Variants in DCLK1 observed in about 807,000 individuals in gnomAD.
DCLK1 encodes serine/threonine-protein kinase DCLK1.
In DCLK1, 16 loss-of-function variants were observed where a neutral mutation model predicts 86.2. The observed-to-expected ratio is 0.19, with a 90% confidence interval of 0.13 to 0.28. DCLK1 has a LOEUF of 0.28. Among genes scored for constraint, DCLK1 ranks in the 10% least tolerant of loss-of-function variants. The pLI is 1.00. For missense variants in DCLK1, 590 were observed against 940.2 expected, an observed-to-expected ratio of 0.63 and a Z score of 4.87; for synonymous variants, 369 against 370.5, an observed-to-expected ratio of 1.00 and a Z score of 0.05.
At chr13:35,800,326 T>G (rs2086893744) in intron 15 of DCLK1, among the ~76,000 whole-genome samples, 1 of 152,198 alleles carries the variant, frequency 6.6e-6, no homozygotes, top group Non-Finnish European at 1.5e-5. Flanking sequence ...AATCCTATTT[T>G]CTCCATTTCA....
At chr13:35,855,980 G>T in intron 5 of DCLK1, 1 of 475,812 alleles carries the variant, frequency 2.1e-6, no homozygotes, top group Non-Finnish European at 2.8e-6. Flanking sequence ...GGCAAGGTAG[G>T]ATGTTTATTG....
intron 14 of DCLK1, among the ~76,000 whole-genome samples, chr13:35,807,034 A>T (rs1216109888): frequency 1.3e-5 from 2 of 152,202 alleles, no homozygotes; most frequent in Non-Finnish European, 1.5e-5. Flanking sequence ...ATCAAAAGAT[A>T]ATTATTTCTC....
intron 3 of DCLK1, among the ~76,000 whole-genome samples, chr13:35,973,828 G>A (rs1303484993): frequency 6.6e-6 from 1 of 152,176 alleles, no homozygotes; most frequent in Admixed American, 6.5e-5. Flanking sequence ...GGGAGCAGGG[G>A]CTGGCTCATG....
At position 35,836,016 on chromosome 13, in the gene DCLK1, A is replaced by G; in HGVS notation, c.1229+17T>C. 6.5e-7 allele frequency: 1 copy of G among 1,548,238 alleles called. No individual in the cohort carries two copies. ...AATGTAACCTTTAAGGTTTGATGCA[A>G]ATGATATCCTTCTCACCTTTCTACA... On this transcript the variant is annotated intron_variant, in intron 8 of 16. Coordinates refer to ENST00000360631, the MANE Select transcript of DCLK1 (RefSeq NM_001330071.2).
At chr13:35,816,298 G>A (rs890405646) in intron 11 of DCLK1, among the ~76,000 whole-genome samples, 1 of 152,130 alleles carries the variant, frequency 6.6e-6, no homozygotes, top group African/African-American at 2.4e-5. Flanking sequence ...AATAAACACT[G>A]TTCATATTTT....
At chr13:35,926,673 C>T (rs926623285) in intron 4 of DCLK1, among the ~76,000 whole-genome samples, 1 of 152,180 alleles carries the variant, frequency 6.6e-6, no homozygotes, top group Non-Finnish European at 1.5e-5. Context: ...AATAATATCA[C>T]CAAGTAGTAA....
chr13:35,853,844 G>A (rs2153110512), intron 6 of DCLK1, among the ~76,000 whole-genome samples: 1 of 152,166 alleles, frequency 6.6e-6, no homozygotes, highest in East Asian at 1.9e-4. Context: ...TACTGGAAAA[G>A]ACAAACAGTA....
At chr13:35,786,480 C>T (rs2086623463) in intron 16 of DCLK1, among the ~76,000 whole-genome samples, 1 of 152,164 alleles carries the variant, frequency 6.6e-6, no homozygotes, top group Admixed American at 6.5e-5. Context: ...TGTGGCTGGA[C>T]TCTAGGGTCA....
intron 3 of DCLK1, among the ~76,000 whole-genome samples, chr13:36,101,981 G>T (rs1566012524): frequency 6.6e-6 from 1 of 152,114 alleles, no homozygotes; most frequent in Non-Finnish European, 1.5e-5. Context: ...GATCTCAAGT[G>T]ATCTGCCTGC....
chr13:35,812,174 C>T (rs559376949), intron 11 of DCLK1, among the ~76,000 whole-genome samples: 88 of 152,202 alleles, frequency 5.8e-4, no homozygotes, highest in African/African-American at 1.9e-3. Flanking sequence ...AATGGAGCTG[C>T]TCTAAAAAGT....
At chr13:36,038,511 C>T (rs1882588265) in intron 3 of DCLK1, among the ~76,000 whole-genome samples, 1 of 152,204 alleles carries the variant, frequency 6.6e-6, no homozygotes, top group Non-Finnish European at 1.5e-5. Flanking sequence ...CAATGATATT[C>T]TTTGGCACAT....
intron 3 of DCLK1, among the ~76,000 whole-genome samples, chr13:36,086,739 TGTTA>T (rs1365909905): frequency 1.3e-5 from 2 of 152,148 alleles, no homozygotes; most frequent in East Asian, 3.9e-4. Flanking sequence ...TCTGCTCTTG[TGTTA>T]GTTTGCTGAG....
intron 15 of DCLK1, among the ~76,000 whole-genome samples, chr13:35,796,439 G>A (rs978930867): frequency 6.6e-6 from 1 of 152,142 alleles, no homozygotes; most frequent in Non-Finnish European, 1.5e-5. Flanking sequence ...TTGCCTTGGG[G>A]AGGTATAGGT....
At chr13:35,919,778 C>G (rs1440228382) in intron 4 of DCLK1, among the ~76,000 whole-genome samples, 1 of 151,406 alleles carries the variant, frequency 6.6e-6, no homozygotes, top group Non-Finnish European at 1.5e-5. Flanking sequence ...CTGGGCAACA[C>G]AGTGAGACCC....
At position 35,787,996 on chromosome 13, in the gene DCLK1, T is replaced by C; in HGVS notation, c.2058+5370A>G. ...GAAAATTGATACTGAGCATGTGCAATGGAAAGAAAGCTGGCAAATGTCAGT... is the reference window on the plus strand; with the variant it reads ...GAAAATTGATACTGAGCATGTGCAACGGAAAGAAAGCTGGCAAATGTCAGT... On this transcript the variant is annotated intron_variant, in intron 16 of 16. Transcript: ENST00000360631. 3 of 557,160 alleles carry C rather than the reference T, an allele frequency of 5.4e-6. No individual in the cohort carries two copies. The Admixed American group carries it at 9.3e-5, about 17-fold the overall frequency. 34.5% of individuals were successfully genotyped at this position (557,160 alleles called of 1,614,324 possible). A position where few individuals can be genotyped will look rare whatever the true frequency, so the allele number is the denominator to read the frequency against.
At chr13:35,805,085 G>A (rs1232640836) in intron 15 of DCLK1, among the ~76,000 whole-genome samples, 1 of 152,200 alleles carries the variant, frequency 6.6e-6, no homozygotes, top group African/African-American at 2.4e-5. Context: ...CAGAAAGTCT[G>A]TTATGCCTTC....
intron 4 of DCLK1, among the ~76,000 whole-genome samples, chr13:35,944,600 A>G (rs886361738): frequency 1.3e-5 from 2 of 152,208 alleles, no homozygotes; most frequent in African/African-American, 4.8e-5. Context: ...CAAGGAAGTA[A>G]AATCTCAATT....
intron 4 of DCLK1, among the ~76,000 whole-genome samples, chr13:35,924,908 T>C (rs1876025697): frequency 6.6e-6 from 1 of 152,198 alleles, no homozygotes; most frequent in Non-Finnish European, 1.5e-5. Context: ...CTATCATCTA[T>C]GGCTGCTTTC....
intron 3 of DCLK1, among the ~76,000 whole-genome samples, chr13:35,972,974 C>T (rs1471990304): frequency 6.6e-6 from 1 of 152,158 alleles, no homozygotes; most frequent in Non-Finnish European, 1.5e-5. Context: ...TGCTCTTCCT[C>T]CTGTCCTTTG....
Sources: allele counts gnomAD v4.1 joint callset (sites outside exome capture counted in the v4.1 genomes callset), GRCh38; gene constraint gnomAD v4.1.1; transcripts MANE v1.5; gene names NCBI Gene and HGNC (gene_info 2026-07-23, HGNC 2026-07-21).